Variants in THSD4 observed in about 807,000 individuals in gnomAD.
THSD4 encodes thrombospondin type-1 domain-containing protein 4.
In THSD4, 69 loss-of-function variants were observed where a neutral mutation model predicts 119.0. The ratio of observed to expected loss-of-function variants is 0.58; its 90% CI spans 0.48 to 0.71. The LOEUF (loss-of-function observed/expected upper bound fraction) is 0.71, where lower values mean the gene tolerates loss of function less well. Ranked by LOEUF, THSD4 falls within the 30% of genes least tolerant of loss-of-function variation. The pLI is 0.00. For missense variants in THSD4, 1,393 were observed against 1,391.1 expected (o/e 1.00, Z -0.02); for synonymous variants, 524 against 540.4 (o/e 0.97, Z 0.42).
At chr15:71,491,594 C>G (rs1263619644) in intron 7 of THSD4, among the ~76,000 whole-genome samples, 1 of 152,162 alleles carries the variant, frequency 6.6e-6, no homozygotes, top group Non-Finnish European at 1.5e-5. Flanking sequence ...ATTTATGGCC[C>G]AGCATGGTGG....
chr15:71,728,154 G>A (rs2052899478), intron 8 of THSD4, among the ~76,000 whole-genome samples: 2 of 152,144 alleles, frequency 1.3e-5, no homozygotes, highest in African/African-American at 4.8e-5. Flanking sequence ...CCATTTATGG[G>A]CCAAAATCAG....
chr15:71,657,384 C>G (rs1431044222), intron 7 of THSD4, among the ~76,000 whole-genome samples: 1 of 152,210 alleles, frequency 6.6e-6, no homozygotes, highest in African/African-American at 2.4e-5. Flanking sequence ...CAATTCTTCC[C>G]TCATTACATC....
chr15:71,307,113 G>A (rs111862016), intron 6 of THSD4, among the ~76,000 whole-genome samples: 2,374 of 152,202 alleles, frequency 0.016, 17 homozygotes, highest in Middle Eastern at 0.024. Flanking sequence ...GGGATTCTTC[G>A]GAGCTCTGGC....
At chr15:71,256,246 G>A (rs1427765127) in intron 5 of THSD4, among the ~76,000 whole-genome samples, 3 of 152,006 alleles carry the variant, frequency 2.0e-5, no homozygotes, top group Admixed American at 6.6e-5. Flanking sequence ...AGGCTGAGGC[G>A]GGTGGATCAC....
intron 8 of THSD4, among the ~76,000 whole-genome samples, chr15:71,703,066 C>T (rs1486970574): frequency 2.6e-5 from 4 of 152,062 alleles, no homozygotes; most frequent in South Asian, 2.1e-4. Flanking sequence ...CTGCAACCTC[C>T]GCCTCCTGGG....
At chr15:71,126,389 T>A (rs551658524) in intron 1 of THSD4, among the ~76,000 whole-genome samples, 1 of 152,344 alleles carries the variant, frequency 6.6e-6, no homozygotes, top group Admixed American at 6.5e-5. Flanking sequence ...CGGGTGTTAC[T>A]AGAGGCCAAG....
intron 8 of THSD4, among the ~76,000 whole-genome samples, chr15:71,686,065 A>G (rs1030285251): frequency 1.3e-5 from 2 of 152,212 alleles, no homozygotes; most frequent in Admixed American, 6.5e-5. Flanking sequence ...AGAAATTTTT[A>G]AAACTTTATG....
At chr15:71,632,805 AGAC>A (rs1595809175) in intron 7 of THSD4, among the ~76,000 whole-genome samples, 1 of 152,226 alleles carries the variant, frequency 6.6e-6, no homozygotes, top group African/African-American at 2.4e-5. Context: ...ATTAATAAGA[AGAC>A]TACACAAACA....
intron 1 of THSD4, among the ~76,000 whole-genome samples, chr15:71,098,664 C>A (rs953402730): frequency 2.5e-4 from 38 of 151,980 alleles, no homozygotes; most frequent in African/African-American, 8.9e-4. Flanking sequence ...ATGGGCAGTG[C>A]GAAAATGAAT....
chr15:71,274,705 C>T (rs2044570681), intron 6 of THSD4, among the ~76,000 whole-genome samples: 1 of 152,132 alleles, frequency 6.6e-6, no homozygotes, highest in African/African-American at 2.4e-5. Flanking sequence ...TTACCTACCT[C>T]TGTAAGTCTT....
intron 6 of THSD4, among the ~76,000 whole-genome samples, chr15:71,326,691 AAAAAAAAAAAT>A (rs1489684241): frequency 3.7e-5 from 2 of 53,944 alleles, no homozygotes; most frequent in African/African-American, 7.3e-5. Flanking sequence ...AAAAAAAAAA[AAAAAAAAAAAT>A]ATATATATAT....
chr15:71,313,520 C>A (rs1023638824), intron 6 of THSD4, among the ~76,000 whole-genome samples: 5 of 152,166 alleles, frequency 3.3e-5, no homozygotes, highest in South Asian at 2.1e-4. Context: ...TTAGGACACA[C>A]AGCTAATGCA....
At chr15:71,152,901 A>G (rs2040738615) in intron 2 of THSD4, among the ~76,000 whole-genome samples, 1 of 152,042 alleles carries the variant, frequency 6.6e-6, no homozygotes. Context: ...TTTACTTTCT[A>G]GGAGGGGGGT....
chr15:71,542,883 A>AG (rs527770146), intron 7 of THSD4, among the ~76,000 whole-genome samples: 1 of 152,030 alleles, frequency 6.6e-6, no homozygotes, highest in Non-Finnish European at 1.5e-5. Flanking sequence ...TCTCAAAAAA[A>AG]AAAACAAAAA....
chr15:71,693,972 A>G (rs2052108019), intron 8 of THSD4, among the ~76,000 whole-genome samples: 1 of 151,624 alleles, frequency 6.6e-6, no homozygotes, highest in Admixed American at 6.6e-5. Context: ...AGAATCATAT[A>G]CCACTGCACT....
At chr15:71,428,532 G>A (rs1431361968) in intron 7 of THSD4, among the ~76,000 whole-genome samples, 2 of 152,088 alleles carry the variant, frequency 1.3e-5, no homozygotes, top group African/African-American at 2.4e-5. Context: ...GGAAACATTC[G>A]TCACCTGAAC....
chr15:71,120,909 G>A (rs2040403599), intron 1 of THSD4, among the ~76,000 whole-genome samples: 1 of 152,248 alleles, frequency 6.6e-6, no homozygotes, highest in South Asian at 2.1e-4. Context: ...GCAGCCATGT[G>A]ACTACAGGGG....
At chr15:71,484,985 AT>A (rs2047793040) in intron 7 of THSD4, among the ~76,000 whole-genome samples, 1 of 152,210 alleles carries the variant, frequency 6.6e-6, no homozygotes, top group South Asian at 2.1e-4. Flanking sequence ...CAGCTAGGTG[AT>A]CTACAAACAT....
Position 71,670,301 on chromosome 15 carries a change from A to G in THSD4, c.1357+9567A>G, listed in dbSNP as rs375799277. 2.5e-4 allele frequency among the ~76,000 whole-genome samples: 37 copies of G among 148,814 alleles called. No homozygotes were observed. The East Asian group carries it at 6.4e-3, about 26-fold the overall frequency. On this transcript the variant is annotated intron_variant, in intron 8 of 17. Coordinates refer to ENST00000261862, the MANE Select transcript of THSD4 (RefSeq NM_024817.3). ...TGTGTCCAAGTGTTCTCATTGTTCAATTCCCACCTATGAGTAAGAACATGC... is the reference window on the plus strand; with the variant it reads ...TGTGTCCAAGTGTTCTCATTGTTCAGTTCCCACCTATGAGTAAGAACATGC...
Sources: gnomAD v4.1 joint callset for allele counts (sites outside exome capture counted in the v4.1 genomes callset) on GRCh38, gnomAD v4.1.1 for gene constraint, MANE v1.5 for transcripts, NCBI Gene and HGNC (gene_info 2026-07-23, HGNC 2026-07-21) for gene names.